MTUS2: variants seen among roughly 807,000 people sequenced by gnomAD.
MTUS2 encodes microtubule associated scaffold protein 2.
In MTUS2, 40 loss-of-function variants were observed where a neutral mutation model predicts 114.1. The ratio of observed to expected loss-of-function variants is 0.35; its 90% confidence interval spans 0.27 to 0.46. The LOEUF (loss-of-function observed/expected upper bound fraction) is 0.46, where lower values mean the gene tolerates loss of function less well. MTUS2 is among the 20% of genes least tolerant of loss of function. The probability of loss-of-function intolerance (pLI) is 1.00; values close to 1 mark genes in which losing one functional copy is unlikely to be tolerated. For missense variants in MTUS2, 1,679 were observed against 1,705.4 expected, an observed-to-expected ratio of 0.98 and a Z score of 0.27; for synonymous variants, 688 against 672.0, an observed-to-expected ratio of 1.02 and a Z score of -0.37.
At chr13:29,190,041 G>C (rs1894383900) in intron 5 of MTUS2, among the ~76,000 whole-genome samples, 2 of 152,166 alleles carry the variant, frequency 1.3e-5, no homozygotes, top group African/African-American at 4.8e-5. Flanking sequence ...TGGCTAGGCT[G>C]TCTGCCAGCA....
intron 5 of MTUS2, among the ~76,000 whole-genome samples, chr13:29,198,754 T>TCA (rs1452639621): frequency 4.6e-5 from 7 of 152,226 alleles, no homozygotes; most frequent in African/African-American, 1.7e-4. Context: ...GAGCAGTGGT[T>TCA]TGTAGTTCTC....
intron 2 of MTUS2, among the ~76,000 whole-genome samples, chr13:28,861,664 C>T (rs539826927): frequency 3.9e-5 from 6 of 152,084 alleles, no homozygotes; most frequent in South Asian, 2.1e-4. Flanking sequence ...GTGTTTTTAC[C>T]GAGCCTACAA....
rs200563956 is a variant in MTUS2, at chr13:29,217,452, CTAT to C, written c.2645-64249_2645-64247del. On this transcript the variant is annotated intron_variant, in intron 5 of 15. Transcript: ENST00000612955. ...ATAAAACTTATGGTTACACTATAGT[CTAT>C]TAAGTGTGCTATAGCATTATGTCTA... 1.6e-4 allele frequency among the ~76,000 whole-genome samples: 24 copies of C among 152,284 alleles called. No individual in the cohort carries two copies. The East Asian group carries it at 4.4e-3, about 28-fold the overall frequency.
At chr13:28,843,369 G>A (rs1220260650) in intron 2 of MTUS2, among the ~76,000 whole-genome samples, 2 of 152,100 alleles carry the variant, frequency 1.3e-5, no homozygotes, top group East Asian at 3.9e-4. Flanking sequence ...TTATTTTTCT[G>A]CTTTAAAATT....
intron 5 of MTUS2, among the ~76,000 whole-genome samples, chr13:29,245,759 C>T (rs979256999): frequency 9.5e-5 from 14 of 147,830 alleles, no homozygotes; most frequent in Middle Eastern, 3.5e-3. Flanking sequence ...TGCAGTGGCA[C>T]GACCTCCGCT....
At chr13:28,964,471 G>C (rs559056329) in intron 2 of MTUS2, among the ~76,000 whole-genome samples, 4 of 152,182 alleles carry the variant, frequency 2.6e-5, no homozygotes, top group Non-Finnish European at 5.9e-5. Flanking sequence ...CAGCAGCAAC[G>C]CATCTCTATT....
At chr13:29,093,518 C>T (rs1360707080) in intron 4 of MTUS2, among the ~76,000 whole-genome samples, 2 of 152,166 alleles carry the variant, frequency 1.3e-5, no homozygotes, top group Non-Finnish European at 2.9e-5. Flanking sequence ...TTTTGGTCTA[C>T]TGTAAATACA....
chr13:29,343,624 G>A (rs191769378), intron 7 of MTUS2, among the ~76,000 whole-genome samples: 2 of 151,574 alleles, frequency 1.3e-5, no homozygotes, highest in African/African-American at 2.4e-5. Flanking sequence ...TTTATCTTTT[G>A]TATTATTTTG....
intron 5 of MTUS2, among the ~76,000 whole-genome samples, chr13:29,259,911 A>G (rs1897407084): frequency 6.6e-6 from 1 of 152,168 alleles, no homozygotes; most frequent in African/African-American, 2.4e-5. Flanking sequence ...ACAAATGAGA[A>G]CACAGGTTGA....
At chr13:29,239,764 A>G (rs539930572) in intron 5 of MTUS2, 164 of 152,212 alleles carry the variant, frequency 1.1e-3, no homozygotes, top group African/African-American at 3.8e-3. Context: ...TGTTGCTTTC[A>G]TTTTATCCTT....
chr13:29,419,939 T>A (rs1403219283), intron 8 of MTUS2, among the ~76,000 whole-genome samples: 1 of 152,238 alleles, frequency 6.6e-6, no homozygotes, highest in Non-Finnish European at 1.5e-5. Flanking sequence ...TTTAAGTGAC[T>A]GATGAGTATC....
At chr13:29,185,593 C>CA in intron 5 of MTUS2, among the ~76,000 whole-genome samples, 1 of 152,178 alleles carries the variant, frequency 6.6e-6, no homozygotes, top group South Asian at 2.1e-4. Context: ...TTCTCCCCCC[C>CA]AAAAATCATG....
chr13:29,459,084 ACTT>A (rs148810167), intron 9 of MTUS2, among the ~76,000 whole-genome samples: 7,052 of 152,314 alleles, frequency 0.046, 207 homozygotes, highest in South Asian at 0.069. Flanking sequence ...TGCACACGTC[ACTT>A]CTTCGCATCG....
intron 3 of MTUS2, 123 bp downstream of exon 3, chr13:29,027,026 C>G: frequency 9.5e-7 from 1 of 1,057,136 alleles, no homozygotes; most frequent in Non-Finnish European, 1.3e-6. Context: ...CATGGATACA[C>G]TTGTGAAGAA....
At chr13:29,364,596 C>T (rs776230201) in intron 8 of MTUS2, among the ~76,000 whole-genome samples, 2 of 152,130 alleles carry the variant, frequency 1.3e-5, no homozygotes, top group Non-Finnish European at 2.9e-5. Context: ...AGCAGTAGAA[C>T]CCCTTTGGAA....
chr13:29,367,945 T>TG (rs1298512377), intron 8 of MTUS2, among the ~76,000 whole-genome samples: 2 of 150,062 alleles, frequency 1.3e-5, no homozygotes, highest in Non-Finnish European at 3.0e-5. Flanking sequence ...TCTACTTCTT[T>TG]TTTTTTTTTT....
chr13:29,043,287 G>A (rs1298439177), intron 4 of MTUS2, among the ~76,000 whole-genome samples: 4 of 152,094 alleles, frequency 2.6e-5, no homozygotes, highest in African/African-American at 7.2e-5. Flanking sequence ...TTCCACTGTA[G>A]TTTGAGAGAG....
At chr13:28,849,558 G>A (rs1035217692) in intron 2 of MTUS2, among the ~76,000 whole-genome samples, 10 of 152,178 alleles carry the variant, frequency 6.6e-5, no homozygotes, top group African/African-American at 2.4e-4. Context: ...CTTCACAGCA[G>A]CACTACCTGA....
intron 4 of MTUS2, among the ~76,000 whole-genome samples, chr13:29,093,404 C>T (rs1890048395): frequency 6.6e-6 from 1 of 152,196 alleles, no homozygotes; most frequent in Non-Finnish European, 1.5e-5. Flanking sequence ...GATCATGCCA[C>T]TGCTCTCCAG....
Sources: gnomAD v4.1 joint callset for allele counts (sites outside exome capture counted in the v4.1 genomes callset) on GRCh38, gnomAD v4.1.1 for gene constraint, MANE v1.5 for transcripts, NCBI Gene and HGNC (gene_info 2026-07-23, HGNC 2026-07-21) for gene names.